Variants in ABCC6 observed in about 807,000 individuals in gnomAD.
The protein encoded by ABCC6 is ATP-binding cassette sub-family C member 6.
In ABCC6, 126 loss-of-function variants were observed where a neutral mutation model predicts 169.5. That is an observed-to-expected ratio of 0.74 (90% CI 0.64 to 0.86). ABCC6 has a LOEUF of 0.86. Among genes scored for constraint, ABCC6 ranks in the 40% least tolerant of loss-of-function variants. The probability of loss-of-function intolerance (pLI) is 0.00; values close to 1 mark genes in which losing one functional copy is unlikely to be tolerated. For synonymous variants in ABCC6, 752 were observed against 814.7 expected (o/e 0.92, Z 1.31); for missense variants, 1,733 against 1,927.2 (o/e 0.90, Z 1.89).
Position 16,161,506 on chromosome 16 carries a change from A to T in ABCC6, c.3565T>A (p.Cys1189Ser). 6.2e-7 allele frequency: 1 copy of T among 1,613,976 alleles called. No homozygotes were observed. Among genetic ancestry groups the T allele is most frequent in the Non-Finnish European group, 8.5e-7 (1 of 1,180,012 alleles). The change falls in exon 25 of 31, where the codon TGT becomes AGT. Residue 1189 changes from cysteine (C) to serine (S), a missense_variant. Around this residue, in one of 5 missense-constraint regions of ABCC6, gnomAD observed 1,601 missense variants for 1,635.5 expected, o/e 0.98. Coordinates refer to ENST00000205557, the MANE Select transcript of ABCC6 (RefSeq NM_001171.6). ...GNGLVFAAATCAVLSKAHLSA... is the reference protein window; with the variant it reads ...GNGLVFAAATSAVLSKAHLSA... ...AGGTGGGCTTTGCTCAGCACAGCAC[A>T]CGTGGCAGCTGCAAACACCAGGCCA... is the stretch of plus-strand genomic sequence containing the variant.
intron 4 of ABCC6, among the ~76,000 whole-genome samples, 200 bp from the exon 5 acceptor site, chr16:16,214,649 G>A (rs1036143157): frequency 1.1e-4 from 16 of 152,208 alleles, no homozygotes; most frequent in Middle Eastern, 3.4e-3. Context: ...TGGTCGCCCA[G>A]GCTGAAGTGC....
chr16:16,166,172 T>A (rs749006770), intron 22 of ABCC6, among the ~76,000 whole-genome samples: 2 of 152,138 alleles, frequency 1.3e-5, no homozygotes, highest in Non-Finnish European at 2.9e-5. Flanking sequence ...CGCCTCACCC[T>A]CCGAGTAGCT....
At chr16:16,171,627 T>C (rs910312259) in intron 21 of ABCC6, among the ~76,000 whole-genome samples, 2 of 152,124 alleles carry the variant, frequency 1.3e-5, no homozygotes, top group Non-Finnish European at 2.9e-5. Flanking sequence ...AATGAATGGA[T>C]GAACAGCTGA....
rs1251606240 is a variant in ABCC6 at position 16,172,440 on chromosome 16, G to C, written c.2787+844C>G. Among the ~76,000 whole-genome samples the C allele has an allele frequency of 3.6e-4, 50 of 138,966 alleles. 1 individual carries two copies. Among genetic ancestry groups the C allele is most frequent in the African/African-American group, 1.3e-3 (48 of 35,744 alleles). The allele number at this position is 138,966 out of a possible 152,430, so 91.2% of individuals were successfully genotyped here. A position where few individuals can be genotyped will look rare whatever the true frequency, so the allele number is the denominator to read the frequency against. ...GATGGCTAAATGAGTGGGTGGGATG[G>C]ATAAATGAGGGGGTGGGATGGATGG... On this transcript the variant is annotated intron_variant, in intron 21 of 30. Coordinates refer to ENST00000205557, the MANE Select transcript of ABCC6 (RefSeq NM_001171.6).
At chr16:16,156,939 T>A (rs2046569276) in intron 27 of ABCC6, among the ~76,000 whole-genome samples, 1 of 51,748 alleles carries the variant, frequency 1.9e-5, no homozygotes. Context: ...TGAGACTCTG[T>A]CTCAAAAAAA....
At chr16:16,221,578 A>G (rs1228611974) in intron 2 of ABCC6, 71 bp downstream of exon 2, 4 of 1,573,148 alleles carry the variant, frequency 2.5e-6, no homozygotes, top group Non-Finnish European at 3.5e-6. Context: ...TTAAGACTTC[A>G]CCAGGTTCCA....
At chr16:16,154,837 C>T (rs2046491066) in intron 28 of ABCC6, 36 bp downstream of exon 28, 3 of 1,610,228 alleles carry the variant, frequency 1.9e-6, no homozygotes, top group Non-Finnish European at 8.5e-7. Flanking sequence ...TCCCACCATG[C>T]CTCCCATCTT....
rs865962652 is a variant in ABCC6, at chr16:16,150,124, G to T, written c.*9C>A. The T allele has an allele frequency of 6.2e-7, 1 of 1,612,068 alleles. No individual in the cohort carries two copies. On this transcript the variant is annotated 3_prime_UTR_variant, in exon 31 of 31. Transcript: ENST00000205557. ...CTGGTCCAACTGGGGTACGGTTGAG[G>T]GTCCTGGCTCAGACCAGGCCTGACT...
intron 7 of ABCC6, among the ~76,000 whole-genome samples, chr16:16,208,517 G>A (rs2048472094): frequency 6.6e-6 from 1 of 151,984 alleles, no homozygotes; most frequent in South Asian, 2.1e-4. Flanking sequence ...GGGATTATAG[G>A]TGCCTACCAC....
Position 16,150,668 on chromosome 16 carries a change from A to G in ABCC6, c.4313T>C (p.Leu1438Pro). ...ATAAVDPGTE[L>P]QMQAMLGSWF... ...GCTCCCGAGCATGGCCTGCATCTGC[A>G]GCTCCGTGCCAGGGTCCACGGCAGC... The change falls in exon 30 of 31, where the codon CTG becomes CCG. Residue 1438 changes from leucine to proline, a missense_variant. Physicochemically the swap from Leu to Pro is moderately conservative, Grantham distance 98 (BLOSUM62 -3). Around this residue, in one of 5 missense-constraint regions of ABCC6, gnomAD observed 1,601 missense variants for 1,635.5 expected, o/e 0.98. Coordinates refer to ENST00000205557, the MANE Select transcript of ABCC6 (RefSeq NM_001171.6). 6.2e-7 allele frequency: 1 copy of G among 1,613,632 alleles called. No homozygotes were observed. Among genetic ancestry groups the G allele is most frequent in the Non-Finnish European group, 8.5e-7 (1 of 1,179,922 alleles).
intron 12 of ABCC6, among the ~76,000 whole-genome samples, chr16:16,189,563 G>A (rs1338498876): frequency 1.3e-5 from 2 of 151,544 alleles, no homozygotes; most frequent in South Asian, 2.1e-4. Flanking sequence ...GATTACAGGC[G>A]CCCGCCACTG....
intron 13 of ABCC6, among the ~76,000 whole-genome samples, chr16:16,187,797 G>GGCGGGCTTATTACAT (rs2047697114): frequency 6.6e-6 from 1 of 152,040 alleles, no homozygotes; most frequent in African/African-American, 2.4e-5. Flanking sequence ...CAGGAGGCTG[G>GGCGGGCTTATTACAT]GAGGTAGAAG....
At chr16:16,207,437 A>G (rs1162500805) in intron 7 of ABCC6, among the ~76,000 whole-genome samples, 2 of 152,228 alleles carry the variant, frequency 1.3e-5, no homozygotes, top group Admixed American at 6.5e-5. Flanking sequence ...AGACCAACAC[A>G]TAGATAATAG....
At chr16:16,151,254 G>A (rs1236813863) in intron 29 of ABCC6, among the ~76,000 whole-genome samples, 2 of 152,038 alleles carry the variant, frequency 1.3e-5, no homozygotes, top group African/African-American at 4.8e-5. Flanking sequence ...TAGAGATGGG[G>A]TTTCACCATG....
chr16:16,166,032 T>C, intron 22 of ABCC6, 99 bp from the exon 23 acceptor site: 1 of 1,244,996 alleles, frequency 8.0e-7, no homozygotes, highest in Non-Finnish European at 1.1e-6. Flanking sequence ...ATGGTGGACA[T>C]CTTATGGCTT....
At chr16:16,202,465 C>G (rs184980166) in intron 8 of ABCC6, among the ~76,000 whole-genome samples, 29 of 152,080 alleles carry the variant, frequency 1.9e-4, no homozygotes, top group African/African-American at 6.3e-4. Flanking sequence ...GTTGAAGCCC[C>G]GACCCCCAGT....
In ABCC6 at chr16:16,149,651, G is replaced by T; in HGVS notation, c.*482C>A. The stretch of plus-strand genomic sequence containing the variant: ...GCTTTATCCTAGAGTTTTGCAAGAT[G>T]TTACCATTGGGTGAAATGGGGTACC... On this transcript the variant is annotated 3_prime_UTR_variant, in exon 31 of 31. Transcript: ENST00000205557. 1 of 281,804 alleles carries T rather than the reference G, an allele frequency of 3.5e-6. No homozygotes were observed. The allele number at this position is 281,804 out of a possible 1,614,324, so 17.5% of individuals were successfully genotyped here. A position where few individuals can be genotyped will look rare whatever the true frequency, so the allele number is the denominator to read the frequency against.
intron 5 of ABCC6, among the ~76,000 whole-genome samples, chr16:16,213,228 G>T (rs1048007284): frequency 7.9e-5 from 12 of 151,836 alleles, no homozygotes; most frequent in Admixed American, 5.3e-4. Context: ...CTCTGTAGTG[G>T]GACTACAGGC....
intron 14 of ABCC6, 133 bp downstream of exon 14, chr16:16,186,991 G>T: frequency 1.3e-6 from 1 of 763,688 alleles, no homozygotes; most frequent in Non-Finnish European, 2.3e-6. Context: ...CAGATGGCGT[G>T]ATCTGCACGT....
Sources: gnomAD v4.1 joint callset for allele counts (sites outside exome capture counted in the v4.1 genomes callset) on GRCh38, gnomAD v4.1.1 for gene constraint, gnomAD v4.1.1 regional missense constraint, MANE v1.5 for transcripts, NCBI Gene and HGNC (gene_info 2026-07-23, HGNC 2026-07-21) for gene names.